CES1: variants seen among roughly 807,000 people sequenced by gnomAD.
The protein encoded by CES1 is liver carboxylesterase 1.
CES1 carries 50 observed loss-of-function variants against 53.0 expected under a neutral mutation model. The observed-to-expected ratio is 0.94, with a 90% CI of 0.75 to 1.19. The LOEUF is 1.19. Ranked by LOEUF, CES1 falls within the 50% of genes most tolerant of loss-of-function variation. The pLI is 0.00. For synonymous variants in CES1, 202 were observed against 210.1 expected, an observed-to-expected ratio of 0.96 and a Z score of 0.33; for missense variants, 534 against 538.0, an observed-to-expected ratio of 0.99 and a Z score of 0.07.
At chr16:55,823,487 A>G (rs1232842073) in intron 4 of CES1, 63 bp downstream of exon 4, 1 of 1,603,356 alleles carries the variant, frequency 6.2e-7, no homozygotes, top group African/African-American at 1.4e-5. Context: ...GCATGACAAG[A>G]GCTGGGTCCT....
chr16:55,816,028 G>T (rs2031928549), intron 8 of CES1, among the ~76,000 whole-genome samples: 1 of 152,288 alleles, frequency 6.6e-6, no homozygotes, highest in African/African-American at 2.4e-5. Context: ...CCTGGAATAG[G>T]CTTCTCCAGG....
chr16:55,811,263 A>AGT (rs149773140), intron 9 of CES1, among the ~76,000 whole-genome samples: 4 of 150,260 alleles, frequency 2.7e-5, no homozygotes, highest in South Asian at 2.1e-4. Flanking sequence ...AGTGTTTTGC[A>AGT]GTGTGTGTGT....
At chr16:55,832,596 G>C (rs1296387167) in intron 1 of CES1, among the ~76,000 whole-genome samples, 2 of 152,208 alleles carry the variant, frequency 1.3e-5, no homozygotes, top group Non-Finnish European at 2.9e-5. Flanking sequence ...GACACACAGC[G>C]AGGAAGCGCC....
intron 8 of CES1, 49 bp downstream of exon 8, chr16:55,816,875 A>C (rs1378831358): frequency 6.4e-7 from 1 of 1,574,202 alleles, no homozygotes; most frequent in East Asian, 2.2e-5. Flanking sequence ...ATTGGAGCTT[A>C]AAGGTGCTAA....
chr16:55,822,940 C>T (rs2032262482), intron 4 of CES1, among the ~76,000 whole-genome samples: 1 of 151,764 alleles, frequency 6.6e-6, no homozygotes, highest in Admixed American at 6.6e-5. Flanking sequence ...AGCAGTTGCG[C>T]CTTGAAGGAG....
chr16:55,816,805 G>T, intron 8 of CES1, 119 bp downstream of exon 8: 1 of 1,282,278 alleles, frequency 7.8e-7, no homozygotes, highest in Non-Finnish European at 1.1e-6. Context: ...CTGGGCCTCA[G>T]AAACAAACAC....
In CES1 at chr16:55,827,704, T is replaced by C. The variant is rs144406244; in HGVS notation, c.260+1063A>G. ...ATTAATTATGGTTCAATACCCAATG[T>C]AATGCAGCTTTTAATACCAGGCTGT... On this transcript the variant is annotated intron_variant, in intron 2 of 13. Coordinates refer to ENST00000360526, the MANE Select transcript of CES1 (RefSeq NM_001025195.2). Among the ~76,000 whole-genome samples the C allele has an allele frequency of 4.2e-3, 640 of 152,348 alleles. 8 individuals carry two copies. The highest frequency in any genetic ancestry group is 0.031 in the Middle Eastern group (9 of 294).
intron 1 of CES1, 97 bp downstream of exon 1, chr16:55,832,907 C>A: frequency 9.0e-7 from 1 of 1,113,566 alleles, no homozygotes; most frequent in Non-Finnish European, 1.4e-6. Context: ...CAGAGCCGGA[C>A]CTGTTGTGTC....
chr16:55,814,767 G>T (rs551919387), intron 8 of CES1, among the ~76,000 whole-genome samples: 13 of 152,356 alleles, frequency 8.5e-5, no homozygotes, highest in Admixed American at 7.8e-4. Flanking sequence ...CCTTTGGTCT[G>T]CTCTACAAAA....
chr16:55,817,811 C>G lies in CES1; in HGVS notation c.907-849G>C, dbSNP rs577488480. 2.0e-5 allele frequency among the ~76,000 whole-genome samples: 3 copies of G among 151,812 alleles called. No individual in the cohort carries two copies. The East Asian group carries it at 5.8e-4, about 29-fold the overall frequency. On this transcript the variant is annotated intron_variant, in intron 7 of 13. Coordinates refer to ENST00000360526, the MANE Select transcript of CES1 (RefSeq NM_001025195.2). ...CTGCATGTGTGTGTACTGGAGGCAGCGCGTAATCATGGAGGTGCTTCCACA... is the reference window on the plus strand; with the variant it reads ...CTGCATGTGTGTGTACTGGAGGCAGGGCGTAATCATGGAGGTGCTTCCACA...
At chr16:55,828,695 C>T (rs539112437) in intron 2 of CES1, 72 bp downstream of exon 2, 2 of 1,570,618 alleles carry the variant, frequency 1.3e-6, no homozygotes, top group Admixed American at 1.7e-5. Flanking sequence ...ATCAGCCCGT[C>T]AGGGGACTGC....
At position 55,832,978 on chromosome 16, in the gene CES1, C is replaced by G. The variant is rs1240686087; in HGVS notation, c.52+26G>C. 6 of 1,473,480 alleles carry G rather than the reference C, an allele frequency of 4.1e-6. 1 individual carries two copies. Among genetic ancestry groups the G allele is most frequent in the African/African-American group, 1.5e-5 (1 of 68,522 alleles). The allele number at this position is 1,473,480 out of a possible 1,614,324, so 91.3% of individuals were successfully genotyped here. On this transcript the variant is annotated intron_variant, in intron 1 of 13. Transcript: ENST00000360526. ...AGAACAAGGATTTCAAAAAGTGCCC[C>G]GCATTTTGATTTCAGAAGGACTCAC... is the stretch of plus-strand genomic sequence containing the variant.
At chr16:55,813,708 A>C (rs1383334750) in intron 8 of CES1, among the ~76,000 whole-genome samples, 2 of 152,068 alleles carry the variant, frequency 1.3e-5, no homozygotes, top group Non-Finnish European at 2.9e-5. Context: ...CTTGTCTCAC[A>C]CAGGCACCTT....
chr16:55,810,055 C>T (rs1280225552), intron 11 of CES1, among the ~76,000 whole-genome samples: 1 of 152,178 alleles, frequency 6.6e-6, no homozygotes, highest in African/African-American at 2.4e-5. Context: ...AGGTCGAAGT[C>T]ACAGGGAATA....
chr16:55,811,908 G>T (rs146876800), intron 9 of CES1, among the ~76,000 whole-genome samples: 1 of 152,224 alleles, frequency 6.6e-6, no homozygotes, highest in Non-Finnish European at 1.5e-5. Flanking sequence ...TCTTCCTGCG[G>T]TCTAATGCAT....
Position 55,810,979 on chromosome 16 carries a change from T to C in CES1, c.1118A>G (p.Gln373Arg), listed in dbSNP as rs756057559. 1 of 1,612,940 alleles carries C rather than the reference T, an allele frequency of 6.2e-7. No homozygotes were observed. The change falls in exon 10 of 14, where the codon CAA becomes CGA. Residue 373 changes from glutamine (Q) to arginine (R), a missense_variant. Gln to Arg is a conservative substitution (Grantham distance 43). This residue lies in a region of CES1 where 269 missense variants were observed against 206.6 expected (regional missense o/e 1.30). Coordinates refer to ENST00000360526, the MANE Select transcript of CES1 (RefSeq NM_001025195.2). ...QLMSYPLSEGQLDQKTAMSLL... is the reference protein window; with the variant it reads ...QLMSYPLSEGRLDQKTAMSLL... The stretch of plus-strand genomic sequence containing the variant: ...TGACATGGCTGTCTTCTGGTCCAGT[T>C]GCCCTTCGGAGAGTGGATAGCTCAT...
chr16:55,821,339 G>T lies in CES1; in HGVS notation c.693+29C>A. ...TCTCATCAGCATCACATCAAGCGTG[G>T]GGTTGGGCCTGGTGACAGGAAAACT... On this transcript the variant is annotated intron_variant, in intron 5 of 13. Transcript: ENST00000360526. 1.9e-6 allele frequency: 3 copies of T among 1,613,994 alleles called. No homozygotes were observed. In the South Asian group the frequency reaches 3.3e-5, roughly 18 times the overall value.
intron 3 of CES1, 25 bp from the exon 4 acceptor site, chr16:55,823,708 C>A (rs1474326556): frequency 6.2e-7 from 1 of 1,613,752 alleles, no homozygotes; most frequent in Admixed American, 1.7e-5. Context: ...AGCAACATAC[C>A]AGTTACAGGA....
At position 55,821,502 on chromosome 16, in the gene CES1, G is replaced by C. The variant is rs200227274; in HGVS notation, c.559C>G (p.Arg187Gly). 3.1e-6 allele frequency: 5 copies of C among 1,614,058 alleles called. No homozygotes were observed. The African/African-American group carries it at 5.3e-5, about 17-fold the overall frequency. ...TGGTCCAGGTGACCCCAGTTCCCCC[G>C]GCTGTGTTCATCCCCTGTGCTGTGA... ...GFFSTGDEHSRGNWGHLDQVA... is the reference protein window; with the variant it reads ...GFFSTGDEHSGGNWGHLDQVA... The change falls in exon 5 of 14, where the codon CGG (arginine) becomes GGG (glycine). Residue 187 changes from arginine (R) to glycine (G), a missense_variant. Coordinates refer to ENST00000360526, the MANE Select transcript of CES1 (RefSeq NM_001025195.2).
Sources: gnomAD v4.1 joint callset for allele counts (sites outside exome capture counted in the v4.1 genomes callset) on GRCh38, gnomAD v4.1.1 for gene constraint, gnomAD v4.1.1 regional missense constraint, MANE v1.5 for transcripts, NCBI Gene and HGNC (gene_info 2026-07-23, HGNC 2026-07-21) for gene names.